NSMCE2: variants seen among roughly 807,000 people sequenced by gnomAD.
NSMCE2 encodes the protein NSE2 SUMO ligase component of SMC5/6 complex, also known as E3 SUMO-protein ligase NSE2.
NSMCE2 carries 24 observed loss-of-function variants against 23.8 expected under a neutral mutation model. The ratio of observed to expected loss-of-function variants is 1.01; its 90% CI spans 0.73 to 1.42. The LOEUF (loss-of-function observed/expected upper bound fraction) is 1.42. Among genes scored for constraint, NSMCE2 ranks in the 40% most tolerant of loss-of-function variants. NSMCE2 has a pLI of 0.00. For missense variants in NSMCE2, 284 were observed against 296.5 expected, an observed-to-expected ratio of 0.96 and a Z score of 0.31; for synonymous variants, 92 against 94.1, an observed-to-expected ratio of 0.98 and a Z score of 0.13.
intron 3 of NSMCE2, among the ~76,000 whole-genome samples, chr8:125,142,506 CTG>C (rs1820428791): frequency 6.6e-6 from 1 of 152,184 alleles, no homozygotes; most frequent in Non-Finnish European, 1.5e-5. Context: ...CCCATATTCA[CTG>C]TGTTTGTAAA....
intron 4 of NSMCE2, among the ~76,000 whole-genome samples, chr8:125,178,469 T>C (rs1822601065): frequency 1.3e-5 from 2 of 152,234 alleles, no homozygotes; most frequent in Admixed American, 6.5e-5. Flanking sequence ...TATAATGATA[T>C]AAACATTAAT....
intron 5 of NSMCE2, among the ~76,000 whole-genome samples, chr8:125,247,156 C>T (rs1826014202): frequency 6.6e-6 from 1 of 151,338 alleles, no homozygotes; most frequent in African/African-American, 2.4e-5. Context: ...TGGTGAAACC[C>T]TGTCTCCAAA....
chr8:125,247,598 A>G (rs553135844), intron 5 of NSMCE2, among the ~76,000 whole-genome samples: 11 of 151,864 alleles, frequency 7.2e-5, no homozygotes, highest in Non-Finnish European at 1.6e-4. Context: ...GGTGGCAGGC[A>G]CCTGTAATCC....
At chr8:125,284,000 A>C (rs963692641) in intron 5 of NSMCE2, among the ~76,000 whole-genome samples, 1 of 152,030 alleles carries the variant, frequency 6.6e-6, no homozygotes, top group African/African-American at 2.4e-5. Context: ...AAAAATACAA[A>C]AAAATTAGCT....
At chr8:125,099,075 C>A (rs918818029) in intron 1 of NSMCE2, among the ~76,000 whole-genome samples, 1 of 152,048 alleles carries the variant, frequency 6.6e-6, no homozygotes, top group Non-Finnish European at 1.5e-5. Context: ...ATGTGCCATG[C>A]GTTGTTTTAG....
At chr8:125,211,968 A>G (rs2130887955) in intron 5 of NSMCE2, among the ~76,000 whole-genome samples, 1 of 152,340 alleles carries the variant, frequency 6.6e-6, no homozygotes, top group East Asian at 1.9e-4. Context: ...TGTACTTGTC[A>G]GACCAGGTAT....
At chr8:125,359,128 G>A (rs904383842) in intron 7 of NSMCE2, among the ~76,000 whole-genome samples, 8 of 151,690 alleles carry the variant, frequency 5.3e-5, no homozygotes, top group African/African-American at 1.2e-4. Flanking sequence ...TTAGCCGGGC[G>A]TGGTGGCAGG....
At chr8:125,121,015 C>A (rs533253798) in intron 3 of NSMCE2, among the ~76,000 whole-genome samples, 1 of 152,292 alleles carries the variant, frequency 6.6e-6, no homozygotes, top group East Asian at 1.9e-4. Context: ...ATCACTATTT[C>A]ATTGTATTTC....
At chr8:125,308,625 C>T (rs1828852393) in intron 5 of NSMCE2, among the ~76,000 whole-genome samples, 1 of 152,180 alleles carries the variant, frequency 6.6e-6, no homozygotes, top group Non-Finnish European at 1.5e-5. Flanking sequence ...TTAACTTCCA[C>T]AGAGTTGAAA....
intron 5 of NSMCE2, among the ~76,000 whole-genome samples, chr8:125,229,114 A>G (rs1057430303): frequency 6.6e-6 from 1 of 152,212 alleles, no homozygotes; most frequent in Non-Finnish European, 1.5e-5. Context: ...ATGAAGGATG[A>G]TGAGTCAGAA....
Position 125,366,653 on chromosome 8 carries a change from G to T in NSMCE2, c.627-115G>T, listed in dbSNP as rs184357659. 113 of 705,718 alleles carry T rather than the reference G, an allele frequency of 1.6e-4. 1 individual carries two copies. The African/African-American group carries it at 1.8e-3, about 11-fold the overall frequency. 43.7% of individuals were successfully genotyped at this position (705,718 alleles called of 1,614,324 possible). On this transcript the variant is annotated intron_variant, in intron 7 of 7. Coordinates refer to ENST00000287437, the MANE Select transcript of NSMCE2 (RefSeq NM_173685.4). The stretch of plus-strand genomic sequence containing the variant: ...AAATGAATGAGCACAGCTTGGTCCT[G>T]ATTTTGACACTTTTCCTTTTTCAGT...
intron 5 of NSMCE2, among the ~76,000 whole-genome samples, chr8:125,251,162 G>A (rs1185848500): frequency 6.6e-6 from 1 of 152,074 alleles, no homozygotes; most frequent in Non-Finnish European, 1.5e-5. Flanking sequence ...GAATAATATA[G>A]TCAGCTATAG....
At chr8:125,345,610 AC>A (rs1309787618) in intron 5 of NSMCE2, among the ~76,000 whole-genome samples, 1 of 152,220 alleles carries the variant, frequency 6.6e-6, no homozygotes, top group Non-Finnish European at 1.5e-5. Flanking sequence ...TACAAAAGGT[AC>A]CCTGGAGTCC....
At chr8:125,295,137 T>C (rs1377031781) in intron 5 of NSMCE2, among the ~76,000 whole-genome samples, 1 of 152,216 alleles carries the variant, frequency 6.6e-6, no homozygotes, top group Non-Finnish European at 1.5e-5. Flanking sequence ...TTTGTTTGCC[T>C]CTGTATCCCT....
At chr8:125,114,760 T>C (rs541437375) in intron 3 of NSMCE2, among the ~76,000 whole-genome samples, 5 of 152,230 alleles carry the variant, frequency 3.3e-5, no homozygotes, top group Non-Finnish European at 7.3e-5. Context: ...CACACACTAA[T>C]GTATGCATAC....
At chr8:125,195,460 T>C (rs1823569740) in intron 5 of NSMCE2, among the ~76,000 whole-genome samples, 1 of 152,206 alleles carries the variant, frequency 6.6e-6, no homozygotes, top group Non-Finnish European at 1.5e-5. Flanking sequence ...AGCATAGTCA[T>C]AAGCACATAC....
chr8:125,237,210 A>C (rs1825592323), intron 5 of NSMCE2, among the ~76,000 whole-genome samples: 1 of 152,220 alleles, frequency 6.6e-6, no homozygotes, highest in East Asian at 1.9e-4. Flanking sequence ...TAAACTGAGA[A>C]GTGAACACCT....
chr8:125,343,146 T>C (rs1429488172), intron 5 of NSMCE2, among the ~76,000 whole-genome samples: 1 of 152,210 alleles, frequency 6.6e-6, no homozygotes, highest in African/African-American at 2.4e-5. Flanking sequence ...GAGTAAATCC[T>C]ATGGGGCGAC....
chr8:125,160,293 C>T (rs139032487), intron 4 of NSMCE2, among the ~76,000 whole-genome samples: 5 of 152,284 alleles, frequency 3.3e-5, no homozygotes, highest in African/African-American at 4.8e-5. Context: ...TTGCCTAGAA[C>T]GTTCTGTAAA....
Sources: gnomAD v4.1 joint callset for allele counts (sites outside exome capture counted in the v4.1 genomes callset) on GRCh38, gnomAD v4.1.1 for gene constraint, MANE v1.5 for transcripts, NCBI Gene and HGNC (gene_info 2026-07-23, HGNC 2026-07-21) for gene names.